ROBO2: variants seen among roughly 807,000 people sequenced by gnomAD.
The protein encoded by ROBO2 is roundabout guidance receptor 2, also known as roundabout homolog 2.
A neutral mutation model predicts 160.8 loss-of-function variants in ROBO2; 53 were observed. The observed-to-expected ratio is 0.33, with a 90% confidence interval of 0.26 to 0.41. The LOEUF is 0.41. Among genes scored for constraint, ROBO2 ranks in the 10% least tolerant of loss-of-function variants. The pLI is 1.00. For synonymous variants in ROBO2, 664 were observed against 611.7 expected (o/e 1.09, Z -1.26); for missense variants, 1,577 against 1,722.4 (o/e 0.92, Z 1.49).
intron 2 of ROBO2, among the ~76,000 whole-genome samples, chr3:77,104,355 C>T (rs894220863): frequency 6.6e-6 from 1 of 152,132 alleles, no homozygotes; most frequent in Non-Finnish European, 1.5e-5. Flanking sequence ...TTTTCCTTAA[C>T]ATTAATGTTT....
chr3:77,361,443 T>C (rs900214152), intron 2 of ROBO2, among the ~76,000 whole-genome samples: 3 of 152,204 alleles, frequency 2.0e-5, no homozygotes, highest in East Asian at 1.9e-4. Context: ...ACATGTTATA[T>C]ATCAAGCTAT....
At chr3:76,380,618 TATAAC>T (rs1246564002) in intron 2 of ROBO2, among the ~76,000 whole-genome samples, 28 of 152,188 alleles carry the variant, frequency 1.8e-4, no homozygotes, top group South Asian at 6.2e-4. Context: ...GTATAATAGA[TATAAC>T]ATATAAAATA....
intron 17 of ROBO2, among the ~76,000 whole-genome samples, chr3:77,592,761 AG>A (rs1467995135): frequency 1.3e-5 from 2 of 152,142 alleles, no homozygotes; most frequent in Non-Finnish European, 2.9e-5. Flanking sequence ...CGTCTTGGCC[AG>A]GCTGGTCTTG....
At position 77,192,584 on chromosome 3, in the gene ROBO2, C is replaced by T. The variant is rs139703511; in HGVS notation, c.388+94244C>T. On this transcript the variant is annotated intron_variant, in intron 2 of 25. Coordinates refer to ENST00000461745, the Ensembl canonical transcript of ROBO2. ...GGTCATGCAGATATCAAATGTGGGGCTCTAAACTCAGTTATTTCTCATTAA... is the reference window on the plus strand; with the variant it reads ...GGTCATGCAGATATCAAATGTGGGGTTCTAAACTCAGTTATTTCTCATTAA... Among the ~76,000 whole-genome samples the T allele has an allele frequency of 5.6e-3, 847 of 151,344 alleles. 7 individuals are homozygous for T. Among genetic ancestry groups the T allele is most frequent in the South Asian group, 0.021 (101 of 4,790 alleles).
chr3:76,162,258 A>G (rs2072671056), intron 2 of ROBO2, among the ~76,000 whole-genome samples: 2 of 152,180 alleles, frequency 1.3e-5, no homozygotes, highest in Admixed American at 1.3e-4. Context: ...AAAGTGAAAT[A>G]GCTTTGATTT....
At chr3:76,165,625 C>A (rs866192903) in intron 2 of ROBO2, among the ~76,000 whole-genome samples, 1 of 152,124 alleles carries the variant, frequency 6.6e-6, no homozygotes, top group Admixed American at 6.6e-5. Flanking sequence ...TTTAGCCTCC[C>A]TTGGCTGTTG....
At position 76,555,362 on chromosome 3, in the gene ROBO2, AGAAGAAGAAG is replaced by A. The variant is rs1207968034; in HGVS notation, c.110-542651_110-542642del. On this transcript the variant is annotated intron_variant, in intron 2 of 26. Transcript: ENST00000487694. ...AGAGGAGGAAGAGTAGGAAGAGAGA[AGAAGAAGAAG>A]AAGAAGAAGAAGAAGAAGAAGAAGA... Among the ~76,000 whole-genome samples, 177 of 50,542 alleles carry A rather than the reference AGAAGAAGAAG, an allele frequency of 3.5e-3. 1 individual carries two copies. The highest frequency in any genetic ancestry group is 7.0e-3 in the African/African-American group (127 of 18,066). 33.2% of individuals were successfully genotyped at this position (50,542 alleles called of 152,430 possible). A position where few individuals can be genotyped will look rare whatever the true frequency, so the allele number is the denominator to read the frequency against.
chr3:76,857,652 A>G (rs1057184677), intron 2 of ROBO2, among the ~76,000 whole-genome samples: 1 of 152,150 alleles, frequency 6.6e-6, no homozygotes, highest in Admixed American at 6.5e-5. Context: ...TAAGAAATCA[A>G]GGCTTCCTAA....
At chr3:76,331,262 C>A (rs961482858) in intron 2 of ROBO2, among the ~76,000 whole-genome samples, 1 of 151,936 alleles carries the variant, frequency 6.6e-6, no homozygotes, top group South Asian at 2.1e-4. Flanking sequence ...GGGGTGTTGG[C>A]AAAATCATTA....
chr3:77,475,964 CTTAT>C (rs2083946604), intron 2 of ROBO2, among the ~76,000 whole-genome samples: 1 of 152,126 alleles, frequency 6.6e-6, no homozygotes, highest in Admixed American at 6.5e-5. Context: ...AATTAATCAG[CTTAT>C]AAACTGAGAG....
intron 2 of ROBO2, among the ~76,000 whole-genome samples, chr3:76,176,312 G>A (rs2073229191): frequency 6.6e-6 from 1 of 151,902 alleles, no homozygotes; most frequent in Non-Finnish European, 1.5e-5. Flanking sequence ...CTCTGAGTAT[G>A]GTATCTTTTG....
At chr3:76,522,683 C>T (rs1052889661) in intron 2 of ROBO2, among the ~76,000 whole-genome samples, 2 of 152,006 alleles carry the variant, frequency 1.3e-5, no homozygotes, top group African/African-American at 4.8e-5. Context: ...TGATTTATCT[C>T]CGTTTTGCTA....
intron 2 of ROBO2, among the ~76,000 whole-genome samples, chr3:76,711,031 T>G (rs2093282402): frequency 6.6e-6 from 1 of 152,208 alleles, no homozygotes; most frequent in South Asian, 2.1e-4. Flanking sequence ...GGTTGACTGG[T>G]CCATAGAAAA....
At chr3:76,649,251 A>T (rs1349478221) in intron 2 of ROBO2, among the ~76,000 whole-genome samples, 1 of 152,138 alleles carries the variant, frequency 6.6e-6, no homozygotes, top group Non-Finnish European at 1.5e-5. Context: ...CTATTATATC[A>T]TGAATTAGCC....
At chr3:75,995,174 A>C (rs2107531269) in intron 2 of ROBO2, among the ~76,000 whole-genome samples, 1 of 152,336 alleles carries the variant, frequency 6.6e-6, no homozygotes, top group East Asian at 1.9e-4. Flanking sequence ...CTAATCATCA[A>C]GACAGTAGGG....
chr3:77,291,576 GGGAAGGTGA>G (rs2061265816), intron 2 of ROBO2, among the ~76,000 whole-genome samples: 1 of 151,308 alleles, frequency 6.6e-6, no homozygotes, highest in Admixed American at 6.6e-5. Flanking sequence ...ATGGTTAAAC[GGGAAGGTGA>G]GGCTAGAGCA....
intron 2 of ROBO2, among the ~76,000 whole-genome samples, chr3:76,127,348 A>G (rs1229413743): frequency 6.6e-6 from 1 of 152,126 alleles, no homozygotes; most frequent in Non-Finnish European, 1.5e-5. Context: ...CTCATTTTGT[A>G]GGATAAGTGT....
At chr3:76,716,094 A>AG (rs2093374334) in intron 2 of ROBO2, among the ~76,000 whole-genome samples, 1 of 117,680 alleles carries the variant, frequency 8.5e-6, no homozygotes, top group South Asian at 2.8e-4. Context: ...TTAAGTTATG[A>AG]ATTTTTTGGT....
At chr3:77,312,989 C>T (rs540595500) in intron 2 of ROBO2, among the ~76,000 whole-genome samples, 5 of 152,274 alleles carry the variant, frequency 3.3e-5, no homozygotes, top group Admixed American at 3.3e-4. Flanking sequence ...AGCTTATCTT[C>T]ATTTCTTAAA....
Sources: gnomAD v4.1 joint callset for allele counts (sites outside exome capture counted in the v4.1 genomes callset) on GRCh38, gnomAD v4.1.1 for gene constraint, MANE v1.5 for transcripts, NCBI Gene and HGNC (gene_info 2026-07-23, HGNC 2026-07-21) for gene names.